SLC7A1: variants seen among roughly 807,000 people sequenced by gnomAD.
The protein encoded by SLC7A1 is solute carrier family 7 member 1, also known as high affinity cationic amino acid transporter 1.
SLC7A1 carries 10 observed loss-of-function variants against 53.9 expected under a neutral mutation model. The observed-to-expected ratio is 0.19, with a 90% CI of 0.11 to 0.31. The LOEUF (loss-of-function observed/expected upper bound fraction) is 0.31, where lower values mean the gene tolerates loss of function less well. SLC7A1 is among the 10% of genes least tolerant of loss of function. SLC7A1 has a pLI of 1.00. For synonymous variants in SLC7A1, 342 were observed against 338.7 expected, an observed-to-expected ratio of 1.01 and a Z score of -0.11; for missense variants, 525 against 827.2, an observed-to-expected ratio of 0.63 and a Z score of 4.48.
intron 2 of SLC7A1, among the ~76,000 whole-genome samples, chr13:29,553,184 G>C (rs1167470361): frequency 6.6e-6 from 1 of 152,236 alleles, no homozygotes; most frequent in Non-Finnish European, 1.5e-5. Context: ...GAGGAGTAAG[G>C]AGAAGAGTGA....
At chr13:29,551,851 C>G (rs1593561279) in intron 2 of SLC7A1, among the ~76,000 whole-genome samples, 2 of 152,070 alleles carry the variant, frequency 1.3e-5, no homozygotes, top group East Asian at 3.9e-4. Flanking sequence ...CTAATTTTAC[C>G]CACCGCCTTT....
At position 29,519,476 on chromosome 13, in the gene SLC7A1, C is replaced by G. The variant is rs759758449; in HGVS notation, c.1263G>C (p.Ser421=). 2 of 1,613,268 alleles carry G rather than the reference C, an allele frequency of 1.2e-6. No homozygotes were observed. The highest frequency in any genetic ancestry group is 1.7e-6 in the Non-Finnish European group (2 of 1,179,440). Residue 421 remains serine (S), a synonymous_variant, in exon 9 of 13, where the codon TCG becomes TCC. Transcript: ENST00000380752. ...AGACCAACACACAGGCAGCCACCAACGAGTAAGCCAGGAGAGTGCCAATGG... is the reference window on the plus strand; with the variant it reads ...AGACCAACACACAGGCAGCCACCAAGGAGTAAGCCAGGAGAGTGCCAATGG... The part of the protein sequence containing the change: ...LMSIGTLLAY[S]LVAACVLVLR...
At chr13:29,578,751 T>C (rs1234212222) in intron 1 of SLC7A1, among the ~76,000 whole-genome samples, 1 of 152,232 alleles carries the variant, frequency 6.6e-6, no homozygotes, top group Non-Finnish European at 1.5e-5. Flanking sequence ...GATCCACCAA[T>C]GCTGGAAAAG....
chr13:29,584,507 C>T (rs964633539), intron 1 of SLC7A1, among the ~76,000 whole-genome samples: 2 of 152,130 alleles, frequency 1.3e-5, no homozygotes, highest in Admixed American at 1.3e-4. Flanking sequence ...TCTGAGTTCT[C>T]ACAACAAATT....
intron 2 of SLC7A1, among the ~76,000 whole-genome samples, chr13:29,545,626 T>C (rs1390770563): frequency 6.6e-6 from 1 of 152,182 alleles, no homozygotes; most frequent in East Asian, 1.9e-4. Flanking sequence ...ATATTTTTCT[T>C]TTAAATCCCA....
intron 4 of SLC7A1, among the ~76,000 whole-genome samples, chr13:29,531,581 G>A (rs1869164221): frequency 6.6e-6 from 1 of 152,214 alleles, no homozygotes; most frequent in Admixed American, 6.5e-5. Context: ...GCTCACGCCT[G>A]TAATCCCAAT....
At chr13:29,554,073 T>C (rs1384164535) in intron 1 of SLC7A1, among the ~76,000 whole-genome samples, 1 of 152,216 alleles carries the variant, frequency 6.6e-6, no homozygotes. Flanking sequence ...CCAGAATAGA[T>C]GCCCTCCGCA....
rs3069134 is a variant in SLC7A1 at position 29,576,293 on chromosome 13, T to TAAAAAA, written c.-115+19117_-115+19122dup. Among the ~76,000 whole-genome samples, 100 of 124,942 alleles carry TAAAAAA rather than the reference T, an allele frequency of 8.0e-4. 1 individual carries two copies. Among genetic ancestry groups the TAAAAAA allele is most frequent in the East Asian group, 5.0e-3 (22 of 4,386 alleles). The allele number at this position is 124,942 out of a possible 152,430, so 82.0% of individuals were successfully genotyped here. A position where few individuals can be genotyped will look rare whatever the true frequency, so the allele number is the denominator to read the frequency against. On this transcript the variant is annotated intron_variant, in intron 1 of 12. Transcript: ENST00000380752. The stretch of plus-strand genomic sequence containing the variant: ...GGTATCAGTATGAGATCCTGTTTTT[T>TAAAAAA]AAAAAAAAAAAAAAGGAAAGAAAAC...
At chr13:29,569,107 T>TAGAGA (rs1355559713) in intron 1 of SLC7A1, among the ~76,000 whole-genome samples, 1 of 152,206 alleles carries the variant, frequency 6.6e-6, no homozygotes, top group Non-Finnish European at 1.5e-5. Context: ...CCTGGCTCTC[T>TAGAGA]GCCCCATGTC....
intron 2 of SLC7A1, among the ~76,000 whole-genome samples, chr13:29,543,370 A>C (rs1869754065): frequency 1.3e-5 from 2 of 152,362 alleles, no homozygotes; most frequent in South Asian, 4.1e-4. Context: ...GTGACTGCTC[A>C]AGTCTGGCAC....
intron 1 of SLC7A1, among the ~76,000 whole-genome samples, chr13:29,591,412 GTCT>G (rs1872105120): frequency 6.6e-6 from 1 of 152,314 alleles, no homozygotes; most frequent in East Asian, 1.9e-4. Flanking sequence ...GGATCATGAT[GTCT>G]CCTTTGACCC....
At chr13:29,588,814 T>A (rs577862413) in intron 1 of SLC7A1, among the ~76,000 whole-genome samples, 1 of 152,262 alleles carries the variant, frequency 6.6e-6, no homozygotes, top group Non-Finnish European at 1.5e-5. Context: ...CTCTGCAACT[T>A]TTCTTTAAGT....
intron 2 of SLC7A1, among the ~76,000 whole-genome samples, chr13:29,547,718 T>C (rs1430429256): frequency 2.0e-5 from 3 of 152,232 alleles, no homozygotes; most frequent in Non-Finnish European, 2.9e-5. Context: ...AAGGAAGGCA[T>C]GAGGGTCCCA....
chr13:29,571,363 A>G (rs985093242), intron 1 of SLC7A1, among the ~76,000 whole-genome samples: 9 of 152,250 alleles, frequency 5.9e-5, no homozygotes, highest in African/African-American at 2.2e-4. Context: ...ACATAACATA[A>G]TGACATTTTA....
intron 2 of SLC7A1, among the ~76,000 whole-genome samples, chr13:29,543,818 T>A (rs1869780844): frequency 6.7e-6 from 1 of 149,820 alleles, no homozygotes; most frequent in Non-Finnish European, 1.5e-5. Flanking sequence ...GAGGCAAGGA[T>A]CAGAGGTTCT....
At chr13:29,546,772 A>G (rs926292155) in intron 2 of SLC7A1, among the ~76,000 whole-genome samples, 2 of 152,318 alleles carry the variant, frequency 1.3e-5, no homozygotes, top group Middle Eastern at 3.4e-3. Context: ...GGAGACAAAG[A>G]AAAGCTATGA....
At chr13:29,581,161 T>C (rs904051210) in intron 1 of SLC7A1, among the ~76,000 whole-genome samples, 3 of 152,182 alleles carry the variant, frequency 2.0e-5, no homozygotes, top group African/African-American at 4.8e-5. Context: ...CACATACAAC[T>C]GAGCTTAAGA....
At chr13:29,540,546 T>TGTA (rs1566261547) in intron 2 of SLC7A1, among the ~76,000 whole-genome samples, 8 of 152,138 alleles carry the variant, frequency 5.3e-5, no homozygotes, top group African/African-American at 1.7e-4. Context: ...GTGTGACGTT[T>TGTA]TCACCTTGAA....
At chr13:29,537,590 A>G (rs1181820270) in intron 2 of SLC7A1, among the ~76,000 whole-genome samples, 2 of 152,200 alleles carry the variant, frequency 1.3e-5, no homozygotes, top group African/African-American at 2.4e-5. Flanking sequence ...ATTGTAACCA[A>G]TGTACCCACC....
Sources: allele counts gnomAD v4.1 joint callset (sites outside exome capture counted in the v4.1 genomes callset), GRCh38; gene constraint gnomAD v4.1.1; transcripts MANE v1.5; gene names NCBI Gene and HGNC (gene_info 2026-07-23, HGNC 2026-07-21).